AK5: variants seen among roughly 807,000 people sequenced by gnomAD.
The protein encoded by AK5 is adenylate kinase isoenzyme 5.
A neutral mutation model predicts 69.5 loss-of-function variants in AK5; 27 were observed. That is an observed-to-expected ratio of 0.39 (90% confidence interval 0.29 to 0.54). AK5 has a LOEUF of 0.54. Among genes scored for constraint, AK5 ranks in the 20% least tolerant of loss-of-function variants. The pLI is 0.71. For synonymous variants in AK5, 260 were observed against 244.4 expected (o/e 1.06, Z -0.60); for missense variants, 531 against 700.4 (o/e 0.76, Z 2.73).
At chr1:77,481,158 T>C (rs1655232560) in intron 8 of AK5, among the ~76,000 whole-genome samples, 1 of 152,310 alleles carries the variant, frequency 6.6e-6, no homozygotes, top group Admixed American at 6.5e-5. Flanking sequence ...ACCAAATGCA[T>C]AGCAGCCATG....
At chr1:77,336,963 C>A (rs1661395325) in intron 5 of AK5, among the ~76,000 whole-genome samples, 2 of 152,220 alleles carry the variant, frequency 1.3e-5, no homozygotes, top group Non-Finnish European at 2.9e-5. Flanking sequence ...GGAAAGACAG[C>A]AAATTAATCA....
At chr1:77,344,424 C>T (rs1224430971) in intron 6 of AK5, among the ~76,000 whole-genome samples, 1 of 152,178 alleles carries the variant, frequency 6.6e-6, no homozygotes, top group Non-Finnish European at 1.5e-5. Context: ...ACATCTTTTA[C>T]TGCTTTATGC....
At chr1:77,458,742 T>C (rs1653651579) in intron 8 of AK5, among the ~76,000 whole-genome samples, 1 of 152,188 alleles carries the variant, frequency 6.6e-6, no homozygotes, top group African/African-American at 2.4e-5. Flanking sequence ...GGTCCCACCA[T>C]ATGGGAATTA....
intron 10 of AK5, among the ~76,000 whole-genome samples, chr1:77,498,298 C>A (rs892098818): frequency 6.6e-6 from 1 of 152,086 alleles, no homozygotes; most frequent in Admixed American, 6.6e-5. Context: ...CAGACGGTTA[C>A]GGGTGACTAG....
At chr1:77,456,921 TA>T (rs35087048) in intron 8 of AK5, among the ~76,000 whole-genome samples, 3,351 of 143,762 alleles carry the variant, frequency 0.023, 56 homozygotes, top group Non-Finnish European at 0.03. Context: ...GTAGTTTCCT[TA>T]AAAAAAAAAA....
chr1:77,362,475 T>A (rs745504126), intron 6 of AK5, among the ~76,000 whole-genome samples: 34 of 152,142 alleles, frequency 2.2e-4, no homozygotes, highest in Non-Finnish European at 4.0e-4. Flanking sequence ...ACCGGAAGGA[T>A]CACTATGGTA....
At chr1:77,289,397 A>G (rs566928424) in intron 2 of AK5, among the ~76,000 whole-genome samples, 2 of 152,300 alleles carry the variant, frequency 1.3e-5, no homozygotes, top group South Asian at 4.1e-4. Context: ...GGGTGTCGTC[A>G]TACTTAATGT....
chr1:77,320,614 T>C (rs1660480710), intron 5 of AK5, among the ~76,000 whole-genome samples: 1 of 151,970 alleles, frequency 6.6e-6, no homozygotes, highest in African/African-American at 2.4e-5. Context: ...CCAGGTATGG[T>C]GGTGCATGCC....
chr1:77,374,114 T>C (rs1169822831), intron 6 of AK5, among the ~76,000 whole-genome samples: 3 of 152,220 alleles, frequency 2.0e-5, no homozygotes, highest in Admixed American at 1.3e-4. Context: ...CACCTGAAAT[T>C]AGATTGGTAT....
chr1:77,382,598 T>C (rs1159654249), intron 6 of AK5, among the ~76,000 whole-genome samples: 2 of 152,206 alleles, frequency 1.3e-5, no homozygotes, highest in Non-Finnish European at 2.9e-5. Flanking sequence ...GAGTCACCCG[T>C]CTCAGCTTCC....
intron 13 of AK5, among the ~76,000 whole-genome samples, chr1:77,550,563 A>G (rs990875951): frequency 6.6e-6 from 1 of 152,258 alleles, no homozygotes; most frequent in Non-Finnish European, 1.5e-5. Flanking sequence ...TTTGCTAAGG[A>G]CATTAAACAC....
At chr1:77,508,928 C>G (rs570714339) in intron 10 of AK5, among the ~76,000 whole-genome samples, 3 of 151,282 alleles carry the variant, frequency 2.0e-5, no homozygotes, top group Non-Finnish European at 2.9e-5. Context: ...GGGAGAAGCA[C>G]TATGGAAGGA....
intron 6 of AK5, among the ~76,000 whole-genome samples, chr1:77,343,662 A>G (rs1661772417): frequency 6.6e-6 from 1 of 152,184 alleles, no homozygotes; most frequent in Non-Finnish European, 1.5e-5. Context: ...TTACCTGTAA[A>G]ATAGGTATAA....
chr1:77,379,398 G>T (rs1402485858), intron 6 of AK5, among the ~76,000 whole-genome samples: 5 of 152,202 alleles, frequency 3.3e-5, no homozygotes, highest in African/African-American at 1.2e-4. Context: ...GGTGACAGCA[G>T]AATTATTTAT....
chr1:77,502,808 ACCC>A (rs1339011284), intron 10 of AK5, among the ~76,000 whole-genome samples: 1 of 152,128 alleles, frequency 6.6e-6, no homozygotes, highest in African/African-American at 2.4e-5. Context: ...CAGAAGCTGC[ACCC>A]CTGCTTTTGA....
At chr1:77,403,324 G>T (rs61782728) in intron 6 of AK5, among the ~76,000 whole-genome samples, 21,990 of 152,000 alleles carry the variant, frequency 0.14, 1,700 homozygotes, top group Admixed American at 0.2. Flanking sequence ...GTCAATTTTG[G>T]CTTTTGTTGC....
intron 8 of AK5, among the ~76,000 whole-genome samples, chr1:77,466,766 T>G (rs1035895313): frequency 2.0e-5 from 3 of 152,180 alleles, no homozygotes; most frequent in Admixed American, 2.0e-4. Flanking sequence ...ACAAGCCCTT[T>G]TTAAGAGGGC....
chr1:77,298,287 A>G (rs1216485806), intron 5 of AK5, among the ~76,000 whole-genome samples: 3 of 152,078 alleles, frequency 2.0e-5, no homozygotes, highest in South Asian at 4.1e-4. Flanking sequence ...AGGGATGCAA[A>G]ACATTACCCT....
chr1:77,390,792 T>G (rs1648372425), intron 6 of AK5, among the ~76,000 whole-genome samples: 1 of 152,230 alleles, frequency 6.6e-6, no homozygotes, highest in Non-Finnish European at 1.5e-5. Context: ...GATTTTTTTA[T>G]GTTTAAAGAT....
Sources: gnomAD v4.1 joint callset for allele counts (sites outside exome capture counted in the v4.1 genomes callset) on GRCh38, gnomAD v4.1.1 for gene constraint, MANE v1.5 for transcripts, NCBI Gene and HGNC (gene_info 2026-07-23, HGNC 2026-07-21) for gene names.